ANKAR: variants seen among roughly 807,000 people sequenced by gnomAD.
The protein encoded by ANKAR is ankyrin and armadillo repeat-containing protein.
In ANKAR, 136 loss-of-function variants were observed where a neutral mutation model predicts 146.2. That is an observed-to-expected ratio of 0.93 (90% confidence interval 0.81 to 1.07). ANKAR has a LOEUF of 1.07. ANKAR is among the 50% of genes least tolerant of loss of function. The pLI is 0.00. For missense variants in ANKAR, 1,567 were observed against 1,679.9 expected, an observed-to-expected ratio of 0.93 and a Z score of 1.18; for synonymous variants, 500 against 575.8, an observed-to-expected ratio of 0.87 and a Z score of 1.88.
At chr2:189,699,472 C>T (rs1461098439) in intron 7 of ANKAR, among the ~76,000 whole-genome samples, 1 of 152,214 alleles carries the variant, frequency 6.6e-6, no homozygotes. Flanking sequence ...CACTAAGCCA[C>T]TTCACCTGTA....
At chr2:189,745,912 A>C (rs2044084392) in intron 22 of ANKAR, among the ~76,000 whole-genome samples, 1 of 152,200 alleles carries the variant, frequency 6.6e-6, no homozygotes, top group African/African-American at 2.4e-5. Context: ...AGAGTAATTT[A>C]CATAAAAGAA....
intron 10 of ANKAR, among the ~76,000 whole-genome samples, chr2:189,713,546 T>C (rs2039998281): frequency 6.6e-6 from 1 of 152,160 alleles, no homozygotes; most frequent in Non-Finnish European, 1.5e-5. Flanking sequence ...TAAAATCCTT[T>C]ACAGACAAGC....
chr2:189,762,521 C>A, downstream of ANKAR: 1 of 880,152 alleles, frequency 1.1e-6, no homozygotes, highest in Non-Finnish European at 1.4e-6. Context: ...GAGGATTGTA[C>A]GAAGCACTAC....
chr2:189,756,723 C>T (rs577012929), intron 18 of ANKAR, among the ~76,000 whole-genome samples: 1 of 152,224 alleles, frequency 6.6e-6, no homozygotes, highest in East Asian at 1.9e-4. Flanking sequence ...AAGTTTATCA[C>T]CACTCCCACT....
intron 2 of ANKAR, among the ~76,000 whole-genome samples, chr2:189,685,190 T>C (rs2035374015): frequency 6.6e-6 from 1 of 151,984 alleles, no homozygotes; most frequent in Admixed American, 6.5e-5. Flanking sequence ...GTTTTTTATT[T>C]TTTGTAGAAT....
intron 15 of ANKAR, among the ~76,000 whole-genome samples, chr2:189,729,099 C>CT (rs1350389413): frequency 6.6e-6 from 1 of 152,088 alleles, no homozygotes; most frequent in African/African-American, 2.4e-5. Context: ...AAAGCAATCT[C>CT]TTTTTTAAGT....
At position 189,728,305 on chromosome 2, in the gene ANKAR, A is replaced by G; in HGVS notation, c.2916A>G (p.Ala972=). The G allele has an allele frequency of 1.2e-6, 2 of 1,612,682 alleles. No homozygotes were observed. The highest frequency in any genetic ancestry group is 2.2e-5 in the East Asian group (1 of 44,860). Residue 972 remains alanine (A), a synonymous_variant, in exon 14 of 23, where the codon GCA becomes GCG. Transcript: ENST00000684021. ...ATGTTAAGGAACAAGGAGCTGTTGC[A>G]CTTTGGGCCTTGGCAGGACAAACAC... is the stretch of plus-strand genomic sequence containing the variant. ...QIDVKEQGAV[A]LWALAGQTLK...
intron 8 of ANKAR, 132 bp downstream of exon 8, chr2:189,705,356 G>A: frequency 3.4e-6 from 3 of 885,798 alleles, no homozygotes; most frequent in Non-Finnish European, 3.4e-6. Context: ...CCACTAAAAG[G>A]TGATAGGTGT....
At chr2:189,755,587 T>C in intron 18 of ANKAR, 1 of 1,572,140 alleles carries the variant, frequency 6.4e-7, no homozygotes, top group Non-Finnish European at 8.6e-7. Context: ...CAGCATTTTG[T>C]AGTTTTAAGA....
chr2:189,683,860 G>A (rs1217419307), intron 2 of ANKAR, among the ~76,000 whole-genome samples: 1 of 152,128 alleles, frequency 6.6e-6, no homozygotes, highest in African/African-American at 2.4e-5. Context: ...TTTTTCAGAG[G>A]GCAGACTGCT....
chr2:189,744,412 T>C (rs551048034), intron 21 of ANKAR, among the ~76,000 whole-genome samples: 2 of 152,318 alleles, frequency 1.3e-5, no homozygotes, highest in South Asian at 4.1e-4. Flanking sequence ...AGCTAGCCCA[T>C]GTGACGACTT....
chr2:189,742,138 T>C (rs1189364429), intron 20 of ANKAR, among the ~76,000 whole-genome samples: 1 of 152,150 alleles, frequency 6.6e-6, no homozygotes, highest in Non-Finnish European at 1.5e-5. Flanking sequence ...ACCTTTAGGG[T>C]ATATCAGAAT....
intron 2 of ANKAR, among the ~76,000 whole-genome samples, chr2:189,685,988 A>G (rs113752222): frequency 0.038 from 5,729 of 152,080 alleles, 155 homozygotes; most frequent in African/African-American, 0.067. Context: ...GCCTCCACAT[A>G]ATGCTTTCAG....
intron 22 of ANKAR, among the ~76,000 whole-genome samples, chr2:189,745,936 C>T (rs746556217): frequency 7.9e-5 from 12 of 152,136 alleles, no homozygotes; most frequent in Non-Finnish European, 1.5e-4. Context: ...TCAGTTCACT[C>T]TTCACTTTAA....
At chr2:189,692,469 C>A in intron 4 of ANKAR, 51 bp downstream of exon 4, 2 of 1,529,344 alleles carry the variant, frequency 1.3e-6, no homozygotes, top group Non-Finnish European at 1.8e-6. Flanking sequence ...CTCTTTTATC[C>A]TATTCTCCAA....
At chr2:189,758,688 G>A (rs1362947986) in intron 18 of ANKAR, among the ~76,000 whole-genome samples, 2 of 152,218 alleles carry the variant, frequency 1.3e-5, no homozygotes, top group Non-Finnish European at 1.5e-5. Flanking sequence ...GAACACCTGT[G>A]ATGTGTCAAA....
At chr2:189,709,433 C>G (rs1336787006) in intron 9 of ANKAR, among the ~76,000 whole-genome samples, 2 of 152,086 alleles carry the variant, frequency 1.3e-5, no homozygotes, top group Non-Finnish European at 2.9e-5. Flanking sequence ...GTGATGAACA[C>G]AGAAAAGTGG....
In ANKAR at chr2:189,731,086, T is replaced by C. The variant is rs145194037; in HGVS notation, c.3300+485T>C. Reference sequence around the variant, plus strand: ...GCCTCTGTTGGCTGGAGGTAATAGTTTTCTCAAGGCTGGACATTACAAAGA... The same window carrying C: ...GCCTCTGTTGGCTGGAGGTAATAGTCTTCTCAAGGCTGGACATTACAAAGA... On this transcript the variant is annotated intron_variant, in intron 16 of 22. Transcript: ENST00000684021. Among the ~76,000 whole-genome samples, 17 of 152,320 alleles carry C rather than the reference T, an allele frequency of 1.1e-4. No homozygotes were observed. The East Asian group carries it at 3.3e-3, about 29-fold the overall frequency.
intron 7 of ANKAR, among the ~76,000 whole-genome samples, chr2:189,700,909 G>A (rs1274672243): frequency 2.0e-5 from 3 of 152,136 alleles, no homozygotes; most frequent in African/African-American, 7.2e-5. Context: ...GTATCCATCT[G>A]AATGGATAAA....
Sources: allele counts gnomAD v4.1 joint callset (sites outside exome capture counted in the v4.1 genomes callset), GRCh38; gene constraint gnomAD v4.1.1; transcripts MANE v1.5; gene names NCBI Gene and HGNC (gene_info 2026-07-23, HGNC 2026-07-21).